GAS7: variants seen among roughly 807,000 people sequenced by gnomAD.
The protein encoded by GAS7 is growth arrest specific 7.
GAS7 carries 28 observed loss-of-function variants against 71.1 expected under a neutral mutation model. The ratio of observed to expected loss-of-function variants is 0.39; its 90% CI spans 0.29 to 0.54. The LOEUF is 0.54. GAS7 is among the 20% of genes least tolerant of loss of function. The probability of loss-of-function intolerance (pLI) is 0.62; values close to 1 mark genes in which losing one functional copy is unlikely to be tolerated. For synonymous variants in GAS7, 258 were observed against 245.8 expected (o/e 1.05, Z -0.46); for missense variants, 436 against 627.8 (o/e 0.69, Z 3.27).
At chr17:10,161,835 C>A (rs1331369384) in intron 1 of GAS7, among the ~76,000 whole-genome samples, 1 of 152,064 alleles carries the variant, frequency 6.6e-6, no homozygotes, top group African/African-American at 2.4e-5. Flanking sequence ...GAGGCCGAGG[C>A]GGGCGGATCA....
intron 5 of GAS7, among the ~76,000 whole-genome samples, chr17:9,951,886 T>C (rs2069033772): frequency 6.7e-6 from 1 of 150,290 alleles, no homozygotes; most frequent in Non-Finnish European, 1.5e-5. Context: ...CCCCCCAGAA[T>C]CTTCCTGAGT....
chr17:9,981,919 A>T lies in GAS7; in HGVS notation c.305-35T>A. On this transcript the variant is annotated intron_variant, in intron 2 of 13. Coordinates refer to ENST00000432992, the MANE Select transcript of GAS7 (RefSeq NM_201433.2). This position sits in a 1 kb window ranked among gnomAD's most constrained non-coding sequence, Gnocchi z 4.4. ...GAAGAGCAAAGAAAATCACTTTGAG[A>T]ATGTCACAGGGCAGAACCTGAGTTT... The T allele has an allele frequency of 3.5e-6, 4 of 1,152,292 alleles. No homozygotes were observed. The highest frequency in any genetic ancestry group is 5.3e-6 in the Non-Finnish European group (4 of 758,464). 71.4% of individuals were successfully genotyped at this position (1,152,292 alleles called of 1,614,324 possible).
chr17:9,910,859 A>C lies in GAS7; in HGVS notation c.*6369T>G. On this transcript the variant is annotated 3_prime_UTR_variant, in exon 14 of 14. Transcript: ENST00000432992. ...AGGCAGCCAGAGGGTGGAAGGATAT[A>C]CAATGTGGAGGAAACACATTCATAC... 4.4e-6 allele frequency: 1 copy of C among 229,230 alleles called. No homozygotes were observed. Among genetic ancestry groups the C allele is most frequent in the East Asian group, 6.2e-5 (1 of 16,060 alleles). The allele number at this position is 229,230 out of a possible 1,614,324, so 14.2% of individuals were successfully genotyped here. A position where few individuals can be genotyped will look rare whatever the true frequency, so the allele number is the denominator to read the frequency against.
intron 1 of GAS7, among the ~76,000 whole-genome samples, chr17:10,082,686 C>A (rs1178348463): frequency 3.3e-5 from 5 of 152,208 alleles, no homozygotes; most frequent in Non-Finnish European, 7.3e-5. Context: ...AAAACCTATA[C>A]ACAAATGTTC....
chr17:9,925,452 G>C (rs767814535), intron 11 of GAS7, 24 bp downstream of exon 11: 1 of 1,613,122 alleles, frequency 6.2e-7, no homozygotes, highest in Non-Finnish European at 8.5e-7. Context: ...CACTGACCAG[G>C]CCAGGCGGGT....
intron 4 of GAS7, among the ~76,000 whole-genome samples, chr17:9,960,492 GC>G (rs1317942044): frequency 1.3e-5 from 2 of 152,198 alleles, no homozygotes; most frequent in African/African-American, 4.8e-5. Context: ...GGCCAGTCTG[GC>G]CTTACTCTTC....
intron 3 of GAS7, among the ~76,000 whole-genome samples, chr17:9,971,523 CCACT>C (rs1468560133): frequency 1.5e-4 from 23 of 152,084 alleles, no homozygotes; most frequent in Non-Finnish European, 2.9e-4. Flanking sequence ...TGTGATTGTA[CCACT>C]ACACTCCAGC....
rs188435234 is a variant in GAS7, at chr17:10,103,498, G to A, written c.184-83601C>T. ...CAACGATTTCATTTCTCAGATGATG[G>A]GAAATGTTTTCTCTCACACTTCACT... On this transcript the variant is annotated intron_variant, in intron 1 of 13. Transcript: ENST00000432992. The surrounding 1 kb of genome is among the most constrained non-coding windows in gnomAD (Gnocchi z 5.5). Among the ~76,000 whole-genome samples the A allele has an allele frequency of 6.6e-6, 1 of 151,932 alleles. No homozygotes were observed. Among genetic ancestry groups the A allele is most frequent in the African/African-American group, 2.4e-5 (1 of 41,364 alleles).
intron 1 of GAS7, among the ~76,000 whole-genome samples, chr17:10,054,287 T>C (rs940653003): frequency 6.6e-6 from 1 of 152,096 alleles, no homozygotes; most frequent in Non-Finnish European, 1.5e-5. Context: ...TAATGGCAAC[T>C]GTTCCACTAT....
intron 6 of GAS7, among the ~76,000 whole-genome samples, chr17:9,946,077 C>T (rs960385346): frequency 1.3e-5 from 2 of 152,060 alleles, no homozygotes; most frequent in African/African-American, 4.8e-5. Context: ...TTGAAATGTA[C>T]AATTTAGTGG....
chr17:10,130,209 A>G (rs1191083191), intron 1 of GAS7, among the ~76,000 whole-genome samples: 2 of 151,916 alleles, frequency 1.3e-5, no homozygotes, highest in Non-Finnish European at 2.9e-5. Context: ...ACAACAAAAA[A>G]ACATGAATGG....
rs1354343346 is a variant in GAS7, at chr17:9,969,047, A to G, written c.471+630T>C. On this transcript the variant is annotated intron_variant, in intron 4 of 13. Coordinates refer to ENST00000432992, the MANE Select transcript of GAS7 (RefSeq NM_201433.2). This position sits in a 1 kb window ranked among gnomAD's most constrained non-coding sequence, Gnocchi z 5.5. Reference sequence around the variant, plus strand: ...GCCGTAAGCACTGACATCAAGGTCCAGTCTAACCACTGAGTAATCCTGTGA... The same window carrying G: ...GCCGTAAGCACTGACATCAAGGTCCGGTCTAACCACTGAGTAATCCTGTGA... 6.6e-6 allele frequency among the ~76,000 whole-genome samples: 1 copy of G among 152,228 alleles called. No individual in the cohort carries two copies.
At chr17:10,006,214 A>G in intron 2 of GAS7, among the ~76,000 whole-genome samples, 1 of 150,944 alleles carries the variant, frequency 6.6e-6, no homozygotes, top group Admixed American at 6.6e-5. Context: ...ACTGCTGCAC[A>G]CGAGACTCTA....
At chr17:10,159,786 C>CTTTTT (rs71139021) in intron 1 of GAS7, among the ~76,000 whole-genome samples, 11 of 134,506 alleles carry the variant, frequency 8.2e-5, no homozygotes, top group African/African-American at 2.0e-4. Flanking sequence ...GAAGTGTGAC[C>CTTTTT]TTTTTTTTTT....
At position 9,981,795 on chromosome 17, in the gene GAS7, G is replaced by T. The variant is rs754707863; in HGVS notation, c.385+9C>A. On this transcript the variant is annotated intron_variant, in intron 3 of 13. Transcript: ENST00000432992. This position sits in a 1 kb window ranked among gnomAD's most constrained non-coding sequence, Gnocchi z 4.4. ...TCCCAGTTGCCCCAAAGCAGACAGC[G>T]GACATTACCTGTTGGAGGCAGAGAG... 2 of 1,519,222 alleles carry T rather than the reference G, an allele frequency of 1.3e-6. No homozygotes were observed. The highest frequency in any genetic ancestry group is 1.8e-6 in the Non-Finnish European group (2 of 1,093,624). The allele number at this position is 1,519,222 out of a possible 1,614,324, so 94.1% of individuals were successfully genotyped here. A position where few individuals can be genotyped will look rare whatever the true frequency, so the allele number is the denominator to read the frequency against.
At chr17:10,000,321 T>C (rs1043405600) in intron 2 of GAS7, among the ~76,000 whole-genome samples, 2 of 152,216 alleles carry the variant, frequency 1.3e-5, no homozygotes, top group Admixed American at 1.3e-4. Context: ...AACACTGGTC[T>C]AGAAGGCAAC....
rs2061882583 is a variant in GAS7 at position 9,926,005 on chromosome 17, A to G, written c.1015-406T>C. ...AGCCCTCCCGTTCTGGAGCTGGACAAGCCTCGGCCCTCTTGTTCCCCTCAC... is the reference window on the plus strand; with the variant it reads ...AGCCCTCCCGTTCTGGAGCTGGACAGGCCTCGGCCCTCTTGTTCCCCTCAC... On this transcript the variant is annotated intron_variant, in intron 10 of 13. Transcript: ENST00000432992. The surrounding 1 kb of genome is among the most constrained non-coding windows in gnomAD (Gnocchi z 5.0). 2.0e-5 allele frequency among the ~76,000 whole-genome samples: 3 copies of G among 151,994 alleles called. No individual in the cohort carries two copies. Among genetic ancestry groups the G allele is most frequent in the Non-Finnish European group, 4.4e-5 (3 of 68,008 alleles).
At chr17:10,000,296 G>C (rs754533071) in intron 2 of GAS7, among the ~76,000 whole-genome samples, 21 of 152,166 alleles carry the variant, frequency 1.4e-4, no homozygotes, top group Non-Finnish European at 2.2e-4. Context: ...CTGGTCTGGG[G>C]ACCACACTTC....
At chr17:10,093,819 T>C (rs1012658227) in intron 1 of GAS7, among the ~76,000 whole-genome samples, 3 of 152,208 alleles carry the variant, frequency 2.0e-5, no homozygotes, top group Non-Finnish European at 4.4e-5. Context: ...TTTCATCTAC[T>C]ATGTATTTCA....
Sources: gnomAD v4.1 joint callset for allele counts (sites outside exome capture counted in the v4.1 genomes callset) on GRCh38, gnomAD v4.1.1 for gene constraint, Gnocchi (gnomAD v3.1) non-coding constraint, MANE v1.5 for transcripts, NCBI Gene and HGNC (gene_info 2026-07-23, HGNC 2026-07-21) for gene names.